The following IGFN1 variants were observed in gnomAD, a reference collection of about 807,000 sequenced individuals.
IGFN1 encodes immunoglobulin like and fibronectin type III domain containing 1, also known as immunoglobulin-like and fibronectin type III domain-containing protein 1.
IGFN1 carries 253 observed loss-of-function variants against 289.5 expected under a neutral mutation model. The ratio of observed to expected loss-of-function variants is 0.87; its 90% confidence interval spans 0.79 to 0.97. The LOEUF is 0.97. Among genes scored for constraint, IGFN1 ranks in the 50% least tolerant of loss-of-function variants. IGFN1 has a pLI of 0.00. For synonymous variants in IGFN1, 1,706 were observed against 1,788.5 expected (o/e 0.95, Z 1.16); for missense variants, 4,470 against 4,686.1 (o/e 0.95, Z 1.35).
intron 23 of IGFN1, 103 bp from the exon 24 acceptor site, chr1:201,228,283 A>G: frequency 8.5e-7 from 1 of 1,176,166 alleles, no homozygotes; most frequent in Admixed American, 1.7e-5. Flanking sequence ...CTGATGGCAG[A>G]GCCTGTAGTC....
intron 19 of IGFN1, 125 bp from the exon 20 acceptor site, chr1:201,222,614 G>T (rs1172501007): frequency 3.2e-6 from 2 of 620,590 alleles, no homozygotes; most frequent in Non-Finnish European, 5.9e-6. Context: ...GCCCCAGTAT[G>T]TTGGGATCTC....
At chr1:201,200,152 A>G (rs1270363405) in intron 7 of IGFN1, 85 bp from the exon 8 acceptor site, 1 of 1,149,470 alleles carries the variant, frequency 8.7e-7, no homozygotes, top group Non-Finnish European at 1.2e-6. Flanking sequence ...GCAGCTTCCC[A>G]GAACTACTTG....
chr1:201,213,797 T>A (rs947419375), intron 12 of IGFN1, among the ~76,000 whole-genome samples, 176 bp downstream of exon 12: 1 of 152,158 alleles, frequency 6.6e-6, no homozygotes, highest in Non-Finnish European at 1.5e-5. Flanking sequence ...TCTTCCTCTT[T>A]ACGCAGATGG....
chr1:201,227,166 A>G lies in IGFN1; in HGVS notation c.11071A>G (p.Thr3691Ala). Reference protein sequence around the residue: ...SGEYKAVAENTLGQAVSTATL... With the variant: ...SGEYKAVAENALGQAVSTATL... Reference sequence around the variant, plus strand: ...GGAGTACAAGGCTGTGGCTGAGAACACGCTGGGCCAGGCAGTCAGCACTGC... The same window carrying G: ...GGAGTACAAGGCTGTGGCTGAGAACGCGCTGGGCCAGGCAGTCAGCACTGC... The change falls in exon 23 of 24, where the codon ACG becomes GCG. Residue 3691 changes from threonine to alanine, a missense_variant. Physicochemically the swap from Thr to Ala is moderately conservative, Grantham distance 58. This residue lies in a region of IGFN1 where 2,218 missense variants were observed against 2,114.1 expected (regional missense o/e 1.05). Transcript: ENST00000335211. 1 of 1,610,868 alleles carries G rather than the reference A, an allele frequency of 6.2e-7. No individual in the cohort carries two copies. Among genetic ancestry groups the G allele is most frequent in the Non-Finnish European group, 8.5e-7 (1 of 1,178,904 alleles).
Position 201,192,318 on chromosome 1 carries a change from C to G in IGFN1, c.-47-929C>G, listed in dbSNP as rs572879994. ...CTCTTTGGGCAGAAAATGGAGTCCC[C>G]AAAATGGAACCGCTTGGCCATGGGC... On this transcript the variant is annotated intron_variant, in intron 1 of 23. Transcript: ENST00000335211. Among the ~76,000 whole-genome samples, 173 of 152,306 alleles carry G rather than the reference C, an allele frequency of 1.1e-3. 5 individuals carry two copies. Among genetic ancestry groups the G allele is most frequent in the South Asian group, 1.7e-3 (8 of 4,824 alleles).
At position 201,218,004 on chromosome 1, in the gene IGFN1, C is replaced by T. The variant is rs972329515; in HGVS notation, c.9770-526C>T. On this transcript the variant is annotated intron_variant, in intron 17 of 23. Transcript: ENST00000335211. The stretch of plus-strand genomic sequence containing the variant: ...AACTTGGAAAAGCCAAAGGGCTGGG[C>T]AGATGCTGAAGGGTCTTGTGATAAC... Among the ~76,000 whole-genome samples, 4 of 152,210 alleles carry T rather than the reference C, an allele frequency of 2.6e-5. No homozygotes were observed. The East Asian group carries it at 7.7e-4, about 29-fold the overall frequency.
In IGFN1 at chr1:201,211,457, G is replaced by A. The variant is rs140465460; in HGVS notation, c.6564G>A (p.Met2188Ile). The part of the protein sequence containing the change: ...YRKDLGAPEG[M>I]GSGSKAGFRD... ...AGGATTTGGGAGCTCCTGAGGGAAT[G>A]GGTTCAGGGAGTAAGGCAGGTTTCA... The change falls in exon 12 of 24, where the codon ATG (methionine) becomes ATA (isoleucine). Residue 2188 changes from methionine to isoleucine, a missense_variant. Coordinates refer to ENST00000335211, the MANE Select transcript of IGFN1 (RefSeq NM_001164586.2). 0.014 allele frequency: 20,669 copies of A among 1,491,452 alleles called. 221 individuals carry two copies. The highest frequency in any genetic ancestry group is 0.016 in the Non-Finnish European group (17,459 of 1,123,240). The allele number at this position is 1,491,452 out of a possible 1,614,324, so 92.4% of individuals were successfully genotyped here.
chr1:201,216,819 C>A, intron 16 of IGFN1, 66 bp downstream of exon 16: 2 of 1,368,372 alleles, frequency 1.5e-6, no homozygotes, highest in Non-Finnish European at 2.0e-6. Context: ...CCGAGGAGGG[C>A]AGGCTGTCCC....
rs774748743 is a variant in IGFN1, at chr1:201,226,109, TC to T, written c.10777del (p.Arg3593GlyfsTer8). 3.1e-5 allele frequency: 50 copies of T among 1,596,182 alleles called. No homozygotes were observed. In the South Asian group the frequency reaches 5.0e-4, roughly 16 times the overall value. ...KPSDTSQPWC[I>X]PRQRDRFTVK... is the part of the protein sequence containing the mutation. Reference sequence around the variant, plus strand: ...TCGGACACCAGCCAGCCCTGGTGCATCCCCCGGCAGCGCGGTAAGCAGCCCC... The same window carrying T: ...TCGGACACCAGCCAGCCCTGGTGCATCCCCGGCAGCGCGGTAAGCAGCCCC... On this transcript the variant is annotated frameshift_variant, in exon 22 of 24. Coordinates refer to ENST00000335211, the MANE Select transcript of IGFN1 (RefSeq NM_001164586.2). LOFTEE classifies it high-confidence loss of function.
chr1:201,217,579 G>A (rs1232268088), intron 17 of IGFN1, 119 bp downstream of exon 17: 13 of 994,850 alleles, frequency 1.3e-5, no homozygotes, highest in Admixed American at 1.1e-4. Context: ...GTTTGGCAAC[G>A]TCTGGAGATA....
At position 201,206,716 on chromosome 1, in the gene IGFN1, G is replaced by A; in HGVS notation, c.1823G>A (p.Ser608Asn). The A allele has an allele frequency of 6.5e-7, 1 of 1,536,876 alleles. No individual in the cohort carries two copies. Among genetic ancestry groups the A allele is most frequent in the Non-Finnish European group, 8.7e-7 (1 of 1,146,918 alleles). The change falls in exon 12 of 24, where the codon AGC becomes AAC. Residue 608 changes from serine to asparagine, a missense_variant. This residue lies in a region of IGFN1 where 2,011 missense variants were observed against 1,953.4 expected (regional missense o/e 1.03). Coordinates refer to ENST00000335211, the MANE Select transcript of IGFN1 (RefSeq NM_001164586.2). ...CGACTGGGACCTGGGAGAGGAAAGA[G>A]CGACCTGCAGGGATGCCAGTCTGAT... The part of the protein sequence containing the change: ...DARLGPGRGK[S>N]DLQGCQSDPV...
At chr1:201,221,805 C>A in intron 19 of IGFN1, 59 bp downstream of exon 19, 1 of 1,432,406 alleles carries the variant, frequency 7.0e-7, no homozygotes, top group Non-Finnish European at 9.4e-7. Context: ...AAGAGGGGGC[C>A]CCTGAGTAGC....
rs1260823619 is a variant in IGFN1 at position 201,207,739 on chromosome 1, G to A, written c.2846G>A (p.Gly949Glu). ...TATAAGGATGGCTTGGAAGGTCCCG[G>A]GAGAATGGAATCTAGGTACGAGGGT... ...TGYKDGLEGPGRMESRYEGGL... is the reference protein window; with the variant it reads ...TGYKDGLEGPERMESRYEGGL... The change falls in exon 12 of 24, where the codon GGG (glycine) becomes GAG (glutamate). Residue 949 changes from glycine to glutamate, a missense_variant. Physicochemically the swap from Gly to Glu is moderately conservative, Grantham distance 98. Coordinates refer to ENST00000335211, the MANE Select transcript of IGFN1 (RefSeq NM_001164586.2). 5.9e-6 allele frequency: 9 copies of A among 1,537,000 alleles called. No homozygotes were observed. Among genetic ancestry groups the A allele is most frequent in the Non-Finnish European group, 7.8e-6 (9 of 1,146,836 alleles).
Position 201,211,967 on chromosome 1 carries a change from T to C in IGFN1, c.7074T>C (p.Tyr2358=), listed in dbSNP as rs1389823862. Residue 2358 remains tyrosine, a synonymous_variant, in exon 12 of 24, where the codon TAT becomes TAC. Coordinates refer to ENST00000335211, the MANE Select transcript of IGFN1 (RefSeq NM_001164586.2). ...GETGPEGKMG[Y]GDGSGRLGVP... The stretch of plus-strand genomic sequence containing the variant: ...CGGGACCAGAGGGTAAGATGGGTTA[T>C]GGAGATGGTTCAGGGAGGCTTGGAG... 3.9e-6 allele frequency: 6 copies of C among 1,533,772 alleles called. No individual in the cohort carries two copies. Among genetic ancestry groups the C allele is most frequent in the South Asian group, 3.6e-5 (3 of 83,608 alleles).
intron 16 of IGFN1, 109 bp from the exon 17 acceptor site, chr1:201,217,178 G>C: frequency 1.1e-6 from 1 of 945,722 alleles, no homozygotes; most frequent in Non-Finnish European, 1.6e-6. Context: ...ACCAGGACAG[G>C]GCGGAGTGTG....
rs367996230 is a variant in IGFN1 at position 201,197,291 on chromosome 1, G to A, written c.341G>A (p.Cys114Tyr). 5 of 1,551,292 alleles carry A rather than the reference G, an allele frequency of 3.2e-6. No individual in the cohort carries two copies. The highest frequency in any genetic ancestry group is 4.4e-6 in the Non-Finnish European group (5 of 1,146,666). ...GTAAATGCGTACGGAGAGGCCGCTT[G>A]CTCAGTGAGACTCACTGTCATCGAA... ...TAVNAYGEAA[C>Y]SVRLTVIEVG... The change falls in exon 5 of 24, where the codon TGC becomes TAC. Residue 114 changes from cysteine to tyrosine, a missense_variant. This residue lies in a region of IGFN1 where 2,011 missense variants were observed against 1,953.4 expected (regional missense o/e 1.03). Transcript: ENST00000335211.
Position 201,217,422 on chromosome 1 carries a change from G to C in IGFN1, c.9731G>C (p.Ser3244Thr). The change falls in exon 17 of 24, where the codon AGC (serine) becomes ACC (threonine). Residue 3244 changes from serine to threonine, a missense_variant. Ser to Thr is a moderately conservative substitution (Grantham distance 58). Transcript: ENST00000335211. ...CTGATCGAGAGGCGTAAGAAGGGGA[G>C]CAACACCTGGACGGCAGTGAACGAC... is the stretch of plus-strand genomic sequence containing the variant. ...GYLIERRKKG[S>T]NTWTAVNDQP... 3 of 1,614,202 alleles carry C rather than the reference G, an allele frequency of 1.9e-6. No homozygotes were observed.
chr1:201,190,856 G>A lies in IGFN1; in HGVS notation c.-99G>A, dbSNP rs1666624973. On this transcript the variant is annotated 5_prime_UTR_variant, in exon 1 of 24. Coordinates refer to ENST00000335211, the MANE Select transcript of IGFN1 (RefSeq NM_001164586.2). ...CCAGAGCCTCAGCAAGCAGCAGCTG[G>A]AAACGGGGAAGAGGGAGCAGACAGG... 3 of 152,590 alleles carry A rather than the reference G, an allele frequency of 2.0e-5. No homozygotes were observed. Among genetic ancestry groups the A allele is most frequent in the Non-Finnish European group, 4.4e-5 (3 of 68,386 alleles). 9.5% of individuals were successfully genotyped at this position (152,590 alleles called of 1,614,324 possible).
intron 19 of IGFN1, chr1:201,222,520 T>C: frequency 2.2e-6 from 1 of 460,316 alleles, no homozygotes. Flanking sequence ...TCAGCTCCTG[T>C]CCCTCCCCCG....
Sources: allele counts gnomAD v4.1 joint callset (sites outside exome capture counted in the v4.1 genomes callset), GRCh38; gene constraint gnomAD v4.1.1; regional missense constraint gnomAD v4.1.1; transcripts MANE v1.5; gene names NCBI Gene and HGNC (gene_info 2026-07-23, HGNC 2026-07-21).